The following OTOGL variants were observed in gnomAD, a reference collection of about 807,000 sequenced individuals.
OTOGL encodes otogelin-like protein.
OTOGL carries 285 observed loss-of-function variants against 318.5 expected under a neutral mutation model. The ratio of observed to expected loss-of-function variants is 0.89; its 90% confidence interval spans 0.81 to 0.99. The LOEUF (loss-of-function observed/expected upper bound fraction) is 0.99, where lower values mean the gene tolerates loss of function less well. OTOGL is among the 50% of genes least tolerant of loss of function. The pLI is 0.00. For synonymous variants in OTOGL, 987 were observed against 936.5 expected, an observed-to-expected ratio of 1.05 and a Z score of -0.99; for missense variants, 2,899 against 2,845.6, an observed-to-expected ratio of 1.02 and a Z score of -0.43.
intron 7 of OTOGL, among the ~76,000 whole-genome samples, chr12:80,225,808 T>A (rs183087472): frequency 1.1e-4 from 17 of 152,238 alleles, no homozygotes; most frequent in Middle Eastern, 3.4e-3. Context: ...TAGATTTTTT[T>A]AAAATAGAAT....
chr12:80,364,634 G>T (rs573542608), intron 52 of OTOGL, among the ~76,000 whole-genome samples: 1 of 151,936 alleles, frequency 6.6e-6, no homozygotes, highest in Non-Finnish European at 1.5e-5. Context: ...ATGTATTTCT[G>T]TTCTTGGTAT....
At chr12:80,266,686 T>C in intron 21 of OTOGL, 70 bp downstream of exon 21, 1 of 1,410,520 alleles carries the variant, frequency 7.1e-7, no homozygotes, top group African/African-American at 1.5e-5. Context: ...TAAATGAGCT[T>C]TCATGGAAGT....
intron 12 of OTOGL, 86 bp from the exon 13 acceptor site, chr12:80,251,990 T>A: frequency 7.3e-7 from 1 of 1,372,568 alleles, no homozygotes. Flanking sequence ...TTGCAAATTA[T>A]TTTTTGTAAA....
intron 7 of OTOGL, 106 bp from the exon 8 acceptor site, chr12:80,229,151 G>A (rs1334942598): frequency 1.6e-6 from 2 of 1,285,212 alleles, no homozygotes; most frequent in Non-Finnish European, 2.1e-6. Flanking sequence ...GTTGTAAAGT[G>A]TCATGGGACT....
intron 1 of OTOGL, among the ~76,000 whole-genome samples, chr12:80,142,874 G>T (rs182147490): frequency 5.7e-4 from 87 of 152,250 alleles, no homozygotes; most frequent in African/African-American, 2.0e-3. Context: ...CAGCAGGGGT[G>T]GCAGAAGAGG....
At chr12:80,287,485 T>C (rs990933848) in intron 26 of OTOGL, among the ~76,000 whole-genome samples, 6 of 148,446 alleles carry the variant, frequency 4.0e-5, no homozygotes, top group Admixed American at 1.3e-4. Flanking sequence ...ATGTCTCATA[T>C]TGACAGTGGG....
chr12:80,167,080 T>G (rs1356489735), intron 1 of OTOGL, among the ~76,000 whole-genome samples: 1 of 152,218 alleles, frequency 6.6e-6, no homozygotes, highest in Non-Finnish European at 1.5e-5. Flanking sequence ...ATAAAATATT[T>G]CCCTTGATGA....
At chr12:80,340,622 A>G (rs796238243) in intron 43 of OTOGL, among the ~76,000 whole-genome samples, 49 of 152,236 alleles carry the variant, frequency 3.2e-4, no homozygotes, top group African/African-American at 1.2e-3. Context: ...CTTTATGCTA[A>G]CCAGGGCTCA....
At chr12:80,207,426 A>G (rs1392758693) in intron 1 of OTOGL, among the ~76,000 whole-genome samples, 1 of 152,142 alleles carries the variant, frequency 6.6e-6, no homozygotes, top group East Asian at 1.9e-4. Flanking sequence ...GCTGGTCTCA[A>G]ACTCCCGACC....
chr12:80,175,721 G>C (rs1388012957), intron 1 of OTOGL, among the ~76,000 whole-genome samples: 1 of 152,074 alleles, frequency 6.6e-6, no homozygotes, highest in South Asian at 2.1e-4. Flanking sequence ...TTCTTGTCTG[G>C]GGCCTGGTGA....
chr12:80,322,843 A>G (rs747647068), intron 34 of OTOGL, among the ~76,000 whole-genome samples: 4 of 152,208 alleles, frequency 2.6e-5, no homozygotes, highest in Admixed American at 1.3e-4. Context: ...TTTTCTGAGA[A>G]CAGCAACAGA....
intron 44 of OTOGL, among the ~76,000 whole-genome samples, chr12:80,347,533 G>A (rs1442982079): frequency 6.6e-6 from 1 of 151,988 alleles, no homozygotes; most frequent in African/African-American, 2.4e-5. Context: ...TCTTTATCTA[G>A]TCTATTATTG....
chr12:80,110,706 T>G (rs1869785220), intron 1 of OTOGL, among the ~76,000 whole-genome samples: 1 of 152,228 alleles, frequency 6.6e-6, no homozygotes, highest in Admixed American at 6.5e-5. Context: ...AGTGCTGTGA[T>G]AAACATACGT....
At chr12:80,297,942 A>G (rs1439140083) in intron 27 of OTOGL, among the ~76,000 whole-genome samples, 2 of 152,216 alleles carry the variant, frequency 1.3e-5, no homozygotes, top group African/African-American at 2.4e-5. Context: ...TAGAATGTGT[A>G]TCAAAGTTTA....
intron 11 of OTOGL, among the ~76,000 whole-genome samples, chr12:80,251,415 C>T (rs995860581): frequency 1.3e-4 from 20 of 152,102 alleles, no homozygotes; most frequent in African/African-American, 4.8e-4. Context: ...AAATCTTTTT[C>T]ATTATAGTAT....
chr12:80,314,425 C>T (rs1592697286), intron 32 of OTOGL, 94 bp downstream of exon 32: 1 of 399,992 alleles, frequency 2.5e-6, no homozygotes, highest in Non-Finnish European at 4.2e-6. Context: ...TGTGAACAAA[C>T]TATAAATAGT....
At chr12:80,372,122 T>G in intron 57 of OTOGL, 58 bp downstream of exon 57, 2 of 1,190,210 alleles carry the variant, frequency 1.7e-6, no homozygotes, top group Non-Finnish European at 2.3e-6. Flanking sequence ...TTGCTCATAG[T>G]GATTATGGTT....
In OTOGL at chr12:80,238,962, G is replaced by A. The variant is rs186616540; in HGVS notation, c.929G>A (p.Gly310Glu). 7,864 of 1,597,246 alleles carry A rather than the reference G, an allele frequency of 4.9e-3. 37 individuals are homozygous for A. Among genetic ancestry groups the A allele is most frequent in the Non-Finnish European group, 6.2e-3 (7,281 of 1,178,932 alleles). ...GATTTTCCAAATCCGTGCTCCAGTG[G>A]AATGCCAGCATTTGAGGTAAATTTG... ...PSDFPNPCSS[G>E]MPAFEAIFFK... Residue 310 changes from glycine to glutamate, a missense_variant, in exon 10 of 59, where the codon GGA (glycine) becomes GAA (glutamate). Gly to Glu is a moderately conservative substitution (Grantham distance 98). This residue lies in a region of OTOGL where 2,607 missense variants were observed against 2,524.9 expected (regional missense o/e 1.03). Transcript: ENST00000547103.
Position 80,127,862 on chromosome 12 carries a change from A to G in OTOGL, c.-20+28257A>G, listed in dbSNP as rs144516067. 6.0e-4 allele frequency among the ~76,000 whole-genome samples: 91 copies of G among 152,274 alleles called. No homozygotes were observed. In the East Asian group the frequency reaches 0.017, roughly 28 times the overall value. On this transcript the variant is annotated intron_variant, in intron 1 of 58. Transcript: ENST00000547103. ...ACTGAGGCTTGTGCATGCATCACGT[A>G]GTTCTCGTGCCATGGTTTTTAGCTC... is the stretch of plus-strand genomic sequence containing the variant.
Sources: allele counts gnomAD v4.1 joint callset (sites outside exome capture counted in the v4.1 genomes callset), GRCh38; gene constraint gnomAD v4.1.1; regional missense constraint gnomAD v4.1.1; transcripts MANE v1.5; gene names NCBI Gene and HGNC (gene_info 2026-07-23, HGNC 2026-07-21).